Variants in PTPRE observed in about 807,000 individuals in gnomAD.
PTPRE encodes the protein receptor-type tyrosine-protein phosphatase epsilon.
In PTPRE, 51 loss-of-function variants were observed where a neutral mutation model predicts 102.0. The observed-to-expected ratio is 0.50, with a 90% CI of 0.40 to 0.63. The LOEUF (loss-of-function observed/expected upper bound fraction) is 0.63. Among genes scored for constraint, PTPRE ranks in the 30% least tolerant of loss-of-function variants. The probability of loss-of-function intolerance (pLI) is 0.00; values close to 1 mark genes in which losing one functional copy is unlikely to be tolerated. For missense variants in PTPRE, 752 were observed against 915.1 expected, an observed-to-expected ratio of 0.82 and a Z score of 2.30; for synonymous variants, 345 against 348.2, an observed-to-expected ratio of 0.99 and a Z score of 0.10.
At chr10:128,065,298 G>C (rs867806766) in intron 10 of PTPRE, among the ~76,000 whole-genome samples, 1 of 152,224 alleles carries the variant, frequency 6.6e-6, no homozygotes, top group Admixed American at 6.5e-5. Flanking sequence ...ACTACTGGCA[G>C]GCTTGTTCCA....
At chr10:128,017,956 CAGGGACAGGTG>C (rs1392248794) in intron 2 of PTPRE, among the ~76,000 whole-genome samples, 5 of 152,216 alleles carry the variant, frequency 3.3e-5, no homozygotes, top group African/African-American at 1.2e-4. Context: ...GCATCACACA[CAGGGACAGGTG>C]AGGGATAAAG....
chr10:128,056,522 C>T (rs551267339), intron 7 of PTPRE, among the ~76,000 whole-genome samples: 2 of 152,276 alleles, frequency 1.3e-5, no homozygotes, highest in East Asian at 3.9e-4. Flanking sequence ...GCTGGCAGGG[C>T]CCCTCCTGTG....
At chr10:127,973,698 G>A (rs1232276940) in intron 1 of PTPRE, among the ~76,000 whole-genome samples, 4 of 151,970 alleles carry the variant, frequency 2.6e-5, no homozygotes, top group African/African-American at 9.7e-5. Context: ...CCTTTTCTCA[G>A]GCTAATATAT....
chr10:128,070,453 G>A lies in PTPRE; in HGVS notation c.1293+3G>A, dbSNP rs1212790612. The stretch of plus-strand genomic sequence containing the variant: ...TCGGGCTGGAGGAGGAGTTCAGGGT[G>A]AGTACAGCTGACCCTCCTCTCCATC... On this transcript the variant is annotated splice_donor_region_variant and intron_variant, in intron 14 of 20. Coordinates refer to ENST00000254667, the MANE Select transcript of PTPRE (RefSeq NM_006504.6). The surrounding 1 kb of genome is among the most constrained non-coding windows in gnomAD (Gnocchi z 4.8). 3 of 1,611,972 alleles carry A rather than the reference G, an allele frequency of 1.9e-6. No individual in the cohort carries two copies. The highest frequency in any genetic ancestry group is 3.3e-5 in the Admixed American group (2 of 59,814).
chr10:127,947,753 G>C (rs1848728494), intron 1 of PTPRE, among the ~76,000 whole-genome samples: 1 of 152,174 alleles, frequency 6.6e-6, no homozygotes, highest in South Asian at 2.1e-4. Context: ...TGGAGCACAT[G>C]AGCTCAAGAA....
chr10:127,959,921 C>T (rs1359540435), intron 1 of PTPRE, among the ~76,000 whole-genome samples: 2 of 152,126 alleles, frequency 1.3e-5, no homozygotes, highest in African/African-American at 2.4e-5. Context: ...TTAATTCATT[C>T]AAAGGGAGAT....
intron 20 of PTPRE, 28 bp downstream of exon 20, chr10:128,079,723 G>A (rs1312136295): frequency 1.9e-6 from 3 of 1,592,478 alleles, no homozygotes; most frequent in Non-Finnish European, 2.6e-6. Context: ...GATGTTACCA[G>A]AAGAGTGGAG....
intron 2 of PTPRE, among the ~76,000 whole-genome samples, chr10:128,017,783 GAAAGCTGCAGGGGGCAGTTA>G (rs1352121226): frequency 1.3e-3 from 196 of 152,302 alleles, no homozygotes; most frequent in African/African-American, 4.6e-3. Context: ...CTTTCACTCT[GAAAGCTGCAGGGGGCAGTTA>G]GAGGGGTCAG....
chr10:128,013,119 G>A (rs1845147325), intron 2 of PTPRE, among the ~76,000 whole-genome samples: 1 of 152,080 alleles, frequency 6.6e-6, no homozygotes, highest in Non-Finnish European at 1.5e-5. Context: ...TTACTGCTGT[G>A]CTGCATTATA....
At chr10:128,054,230 G>C (rs1450604438) in intron 6 of PTPRE, among the ~76,000 whole-genome samples, 1 of 152,118 alleles carries the variant, frequency 6.6e-6, no homozygotes, top group East Asian at 1.9e-4. Flanking sequence ...AACCAACACT[G>C]CTCTGTTGTT....
intron 2 of PTPRE, among the ~76,000 whole-genome samples, chr10:128,033,045 G>A (rs1247618509): frequency 3.3e-5 from 5 of 152,200 alleles, no homozygotes; most frequent in East Asian, 3.9e-4. Context: ...TAACTACCTC[G>A]GGGGCTGTAA....
intron 2 of PTPRE, among the ~76,000 whole-genome samples, chr10:127,995,677 A>G (rs1322356696): frequency 6.6e-6 from 1 of 152,224 alleles, no homozygotes; most frequent in Non-Finnish European, 1.5e-5. Flanking sequence ...ATTCTTCTGG[A>G]TGGGATATCA....
intron 7 of PTPRE, among the ~76,000 whole-genome samples, chr10:128,060,243 C>CCA (rs144040285): frequency 1.6e-4 from 24 of 150,062 alleles, no homozygotes; most frequent in African/African-American, 5.6e-4. Context: ...ACATACACAA[C>CCA]CACACACACC....
chr10:128,046,831 A>G (rs56257930), intron 3 of PTPRE, among the ~76,000 whole-genome samples: 2,313 of 152,298 alleles, frequency 0.015, 46 homozygotes, highest in African/African-American at 0.05. Flanking sequence ...TACAAAGGAC[A>G]CAGTAAGAGG....
chr10:128,026,128 G>A, intron 2 of PTPRE, among the ~76,000 whole-genome samples: 1 of 152,194 alleles, frequency 6.6e-6, no homozygotes, highest in Middle Eastern at 3.2e-3. Flanking sequence ...ACTCTGCACG[G>A]CCCAGGTGGG....
At chr10:128,061,043 C>T (rs554724259) in intron 8 of PTPRE, 28 bp downstream of exon 8, 1 of 1,604,430 alleles carries the variant, frequency 6.2e-7, no homozygotes, top group African/African-American at 1.3e-5. Flanking sequence ...TCTTGTTCCC[C>T]TGGCCCAGCT....
At chr10:127,991,946 A>G (rs1852705283) in intron 2 of PTPRE, among the ~76,000 whole-genome samples, 1 of 152,100 alleles carries the variant, frequency 6.6e-6, no homozygotes. Context: ...ACTCTGAAGC[A>G]CAGGCCGCCC....
chr10:127,987,393 G>A (rs1264637020), intron 2 of PTPRE: 19 of 1,262,584 alleles, frequency 1.5e-5, no homozygotes, highest in Non-Finnish European at 1.7e-5. Flanking sequence ...AGGAAGACAA[G>A]AGGTAACGGG....
intron 1 of PTPRE, among the ~76,000 whole-genome samples, chr10:127,917,199 T>C (rs756302351): frequency 5.4e-5 from 8 of 149,396 alleles, no homozygotes; most frequent in Non-Finnish European, 8.9e-5. Flanking sequence ...TACGAGATGA[T>C]GGTGCGCCCA....
Sources: gnomAD v4.1 joint callset for allele counts (sites outside exome capture counted in the v4.1 genomes callset) on GRCh38, gnomAD v4.1.1 for gene constraint, Gnocchi (gnomAD v3.1) non-coding constraint, MANE v1.5 for transcripts, NCBI Gene and HGNC (gene_info 2026-07-23, HGNC 2026-07-21) for gene names.